HSPA12A: variants seen among roughly 807,000 people sequenced by gnomAD.
The protein encoded by HSPA12A is heat shock protein family A (Hsp70) member 12A.
A neutral mutation model predicts 69.2 loss-of-function variants in HSPA12A; 28 were observed. The ratio of observed to expected loss-of-function variants is 0.40; its 90% confidence interval spans 0.30 to 0.55. HSPA12A has a LOEUF of 0.55. Among genes scored for constraint, HSPA12A ranks in the 20% least tolerant of loss-of-function variants. HSPA12A has a pLI of 0.38. For synonymous variants in HSPA12A, 345 were observed against 370.5 expected (o/e 0.93, Z 0.79); for missense variants, 686 against 900.7 (o/e 0.76, Z 3.05).
intron 1 of HSPA12A, chr10:116,849,373 G>T: frequency 1.5e-6 from 1 of 650,068 alleles, no homozygotes; most frequent in Non-Finnish European, 2.2e-6. Context: ...AATGCCGCAG[G>T]GAGAAAAGAC....
At chr10:116,731,423 C>T (rs972598320) in intron 1 of HSPA12A, among the ~76,000 whole-genome samples, 8 of 152,148 alleles carry the variant, frequency 5.3e-5, no homozygotes, top group African/African-American at 1.9e-4. Context: ...ACTGCCAGAC[C>T]GGATGACCAC....
chr10:116,777,822 G>T (rs1844375455), intron 2 of HSPA12A, among the ~76,000 whole-genome samples: 1 of 152,214 alleles, frequency 6.6e-6, no homozygotes, highest in Non-Finnish European at 1.5e-5. Context: ...CCACCTCCTG[G>T]GTTCAAGCGA....
chr10:116,724,733 A>C (rs1363254514), intron 1 of HSPA12A, among the ~76,000 whole-genome samples: 11 of 152,194 alleles, frequency 7.2e-5, no homozygotes, highest in African/African-American at 2.7e-4. Context: ...AGAGGAGACA[A>C]GTGAGTGACG....
At chr10:116,839,571 A>G (rs187764941) in intron 1 of HSPA12A, among the ~76,000 whole-genome samples, 1 of 145,314 alleles carries the variant, frequency 6.9e-6, no homozygotes, top group East Asian at 2.1e-4. Flanking sequence ...CACAAGTGTG[A>G]CTGATTCCAA....
upstream of HSPA12A, chr10:116,742,704 C>G (rs1180472264): frequency 1.1e-4 from 70 of 655,776 alleles, 1 homozygote; most frequent in Middle Eastern, 7.3e-4. Context: ...GGAAGGCGGG[C>G]GCGGGGAACT....
chr10:116,696,951 G>T (rs890088784), intron 5 of HSPA12A, among the ~76,000 whole-genome samples: 1 of 151,932 alleles, frequency 6.6e-6, no homozygotes, highest in Non-Finnish European at 1.5e-5. Flanking sequence ...AGCCTTCCAT[G>T]ATGCTCCCCA....
intron 2 of HSPA12A, among the ~76,000 whole-genome samples, chr10:116,780,029 GC>G (rs1844429620): frequency 6.6e-6 from 1 of 152,132 alleles, no homozygotes; most frequent in Non-Finnish European, 1.5e-5. Flanking sequence ...CACTAATTCC[GC>G]CAGAGCAAGC....
Position 116,692,411 on chromosome 10 carries a change from G to C in HSPA12A, c.603C>G (p.Ile201Met). ...EFENSDVRWV[I>M]TVPAIWKQPA... ...GCTGCTTCCAGATGGCAGGCACCGT[G>C]ATGACCCATCTGACATCAGAGTTCT... Residue 201 changes from isoleucine to methionine, a missense_variant, in exon 6 of 12, where the codon ATC (isoleucine) becomes ATG (methionine). By Grantham distance (10) the Ile-to-Met change is conservative. Transcript: ENST00000369209. 1 of 1,614,168 alleles carries C rather than the reference G, an allele frequency of 6.2e-7. No individual in the cohort carries two copies.
chr10:116,774,979 A>G lies in HSPA12A; in HGVS notation c.91+59956T>C, dbSNP rs945215167. On this transcript the variant is annotated intron_variant, in intron 2 of 12. Coordinates refer to the HSPA12A transcript ENST00000635765. ...GGTCGACTGCTACACACCCACCGCCACTGCTCCCAACTGTGCTGCTTTGGG... is the reference window on the plus strand; with the variant it reads ...GGTCGACTGCTACACACCCACCGCCGCTGCTCCCAACTGTGCTGCTTTGGG... Among the ~76,000 whole-genome samples, 35 of 142,352 alleles carry G rather than the reference A, an allele frequency of 2.5e-4. 1 individual carries two copies. Among genetic ancestry groups the G allele is most frequent in the Non-Finnish European group, 7.9e-5 (5 of 63,628 alleles). 93.4% of individuals were successfully genotyped at this position (142,352 alleles called of 152,430 possible).
At chr10:116,704,224 C>T (rs1395838789) in intron 3 of HSPA12A, among the ~76,000 whole-genome samples, 3 of 152,238 alleles carry the variant, frequency 2.0e-5, no homozygotes, top group Admixed American at 1.3e-4. Context: ...TGTCCAACAA[C>T]GGTAGACTAG....
chr10:116,737,261 A>T lies in HSPA12A; in HGVS notation c.40+5169T>A, dbSNP rs782301998. ...TCAACCTAACAATGATAATAAAATG[A>T]CTGGAAGTTACTGAGAGCCCTCTGT... On this transcript the variant is annotated intron_variant, in intron 1 of 11. Coordinates refer to ENST00000369209, the MANE Select transcript of HSPA12A (RefSeq NM_025015.3). Among the ~76,000 whole-genome samples, 4 of 152,264 alleles carry T rather than the reference A, an allele frequency of 2.6e-5. No individual in the cohort carries two copies. In the South Asian group the frequency reaches 8.3e-4, roughly 32 times the overall value.
At chr10:116,805,939 G>A (rs1845059681) in intron 2 of HSPA12A, among the ~76,000 whole-genome samples, 1 of 152,214 alleles carries the variant, frequency 6.6e-6, no homozygotes. Context: ...GAGCGTAAAT[G>A]CCACCTCAGA....
intron 2 of HSPA12A, among the ~76,000 whole-genome samples, chr10:116,812,995 T>A (rs1359682116): frequency 3.9e-5 from 6 of 152,086 alleles, no homozygotes; most frequent in Non-Finnish European, 1.5e-5. Context: ...GCTAAGACGT[T>A]AAGCAGGAAA....
At chr10:116,839,652 TTTGTCAAAAA>T (rs1325518473) in intron 1 of HSPA12A, among the ~76,000 whole-genome samples, 1 of 150,526 alleles carries the variant, frequency 6.6e-6, no homozygotes, top group African/African-American at 2.5e-5. Flanking sequence ...ACCTACACAT[TTTGTCAAAAA>T]TAGATGAGAC....
chr10:116,769,642 A>G (rs1251600536), intron 2 of HSPA12A, among the ~76,000 whole-genome samples: 1 of 152,366 alleles, frequency 6.6e-6, no homozygotes, highest in Non-Finnish European at 1.5e-5. Flanking sequence ...TGCAGGACTT[A>G]GAGCACTTCA....
chr10:116,791,771 C>A (rs1372416565), intron 2 of HSPA12A, among the ~76,000 whole-genome samples: 3 of 152,098 alleles, frequency 2.0e-5, no homozygotes, highest in Admixed American at 2.0e-4. Context: ...CCAGCCCCTG[C>A]CAGCACCCCC....
At position 116,672,320 on chromosome 10, in the gene HSPA12A, C is replaced by T. The variant is rs1384766048; in HGVS notation, c.*2461G>A. The stretch of plus-strand genomic sequence containing the variant: ...ACAAAGGGTTTCTTAGGTTGTTCTG[C>T]GCAGTCACATGGCTTCCAGAACCAG... On this transcript the variant is annotated 3_prime_UTR_variant, in exon 12 of 12. Coordinates refer to ENST00000369209, the MANE Select transcript of HSPA12A (RefSeq NM_025015.3). The T allele has an allele frequency of 1.3e-5, 2 of 152,202 alleles. No individual in the cohort carries two copies. The highest frequency in any genetic ancestry group is 4.8e-5 in the African/African-American group (2 of 41,448). 9.4% of individuals were successfully genotyped at this position (152,202 alleles called of 1,614,324 possible).
upstream of HSPA12A, among the ~76,000 whole-genome samples, chr10:116,743,170 G>A (rs1851571472): frequency 6.6e-6 from 1 of 152,226 alleles, no homozygotes; most frequent in Non-Finnish European, 1.5e-5. Context: ...ACCCAGGGAG[G>A]TGCTTGCCCC....
chr10:116,796,145 C>CAAAAAAAAAAA (rs10522145), intron 2 of HSPA12A, among the ~76,000 whole-genome samples: 10 of 110,658 alleles, frequency 9.0e-5, no homozygotes, highest in Non-Finnish European at 1.2e-4. Context: ...AAGACTCCAT[C>CAAAAAAAAAAA]AAAAAAAAAA....
Sources: allele counts gnomAD v4.1 joint callset (sites outside exome capture counted in the v4.1 genomes callset), GRCh38; gene constraint gnomAD v4.1.1; transcripts MANE v1.5; gene names NCBI Gene and HGNC (gene_info 2026-07-23, HGNC 2026-07-21).